The following BMERB1 variants were observed in gnomAD, a reference collection of about 807,000 sequenced individuals.
BMERB1 encodes the protein bMERB domain containing 1.
A neutral mutation model predicts 23.6 loss-of-function variants in BMERB1; 12 were observed. The observed-to-expected ratio is 0.51, with a 90% CI of 0.33 to 0.82. The LOEUF is 0.82. Ranked by LOEUF, BMERB1 falls within the 40% of genes least tolerant of loss-of-function variation. The pLI is 0.03. For missense variants in BMERB1, 247 were observed against 255.4 expected, an observed-to-expected ratio of 0.97 and a Z score of 0.22; for synonymous variants, 122 against 96.6, an observed-to-expected ratio of 1.26 and a Z score of -1.54.
At chr16:15,557,146 A>G (rs941000477) in intron 2 of BMERB1, among the ~76,000 whole-genome samples, 1 of 152,062 alleles carries the variant, frequency 6.6e-6, no homozygotes, top group East Asian at 1.9e-4. Context: ...TCCGCACCCA[A>G]CGCTGATAAA....
At chr16:15,494,022 T>C (rs147212307) in intron 1 of BMERB1, among the ~76,000 whole-genome samples, 291 of 152,278 alleles carry the variant, frequency 1.9e-3, no homozygotes, top group African/African-American at 4.9e-3. Flanking sequence ...GTTTGTAAAT[T>C]GGAAGAATTA....
chr16:15,555,917 T>C (rs918405276), intron 2 of BMERB1, among the ~76,000 whole-genome samples: 4 of 152,190 alleles, frequency 2.6e-5, no homozygotes, highest in Non-Finnish European at 4.4e-5. Context: ...CGGTGGCTCA[T>C]GCCTGTAATC....
At chr16:15,438,825 C>G (rs1327022850) in intron 1 of BMERB1, among the ~76,000 whole-genome samples, 2 of 152,184 alleles carry the variant, frequency 1.3e-5, no homozygotes, top group Non-Finnish European at 2.9e-5. Context: ...AACACTCTTT[C>G]AACTCTCAGG....
intron 1 of BMERB1, among the ~76,000 whole-genome samples, chr16:15,435,695 C>T (rs2050882060): frequency 6.6e-6 from 1 of 152,194 alleles, no homozygotes; most frequent in African/African-American, 2.4e-5. Context: ...GATCTCTGAG[C>T]GATGTAGGGC....
chr16:15,550,757 A>G (rs1213852212), intron 2 of BMERB1, among the ~76,000 whole-genome samples: 4 of 152,144 alleles, frequency 2.6e-5, no homozygotes, highest in Non-Finnish European at 5.9e-5. Context: ...TGTAGTGGCA[A>G]TTGTCAGGGC....
In BMERB1 at chr16:15,481,671, A is replaced by G. The variant is rs184639768; in HGVS notation, c.107-33634A>G. 3.0e-3 allele frequency among the ~76,000 whole-genome samples: 463 copies of G among 152,100 alleles called. 5 individuals are homozygous for G. The highest frequency in any genetic ancestry group is 0.011 in the African/African-American group (437 of 41,490). The stretch of plus-strand genomic sequence containing the variant: ...TACTTCTAGATTGTCTGCATTTTCT[A>G]TAACAAGAATTAATTAACATATTGC... On this transcript the variant is annotated intron_variant, in intron 1 of 5. Coordinates refer to ENST00000300006, the MANE Select transcript of BMERB1 (RefSeq NM_033201.3).
chr16:15,509,580 T>G (rs1490037225), intron 1 of BMERB1, among the ~76,000 whole-genome samples: 2 of 152,118 alleles, frequency 1.3e-5, no homozygotes, highest in Non-Finnish European at 2.9e-5. Flanking sequence ...ATGACTAGTG[T>G]CAAATGAGGA....
At chr16:15,517,434 C>T (rs2051775724) in intron 2 of BMERB1, among the ~76,000 whole-genome samples, 1 of 152,066 alleles carries the variant, frequency 6.6e-6, no homozygotes, top group African/African-American at 2.4e-5. Flanking sequence ...TCATTTGAAC[C>T]TGGGAGGCGG....
Position 15,434,684 on chromosome 16 carries a change from C to T in BMERB1, c.31C>T (p.Leu11=). The T allele has an allele frequency of 6.2e-7, 1 of 1,613,538 alleles. No individual in the cohort carries two copies. The highest frequency in any genetic ancestry group is 1.7e-5 in the Admixed American group (1 of 59,912). ...ATTAAAGCAATCTTTGTCCACCCAT[C>T]TGGAAGCCGAGAAGCCTCTGAGGCG... MELKQSLSTH[L]EAEKPLRRYG... The change falls in exon 1 of 6, where the codon CTG becomes TTG. Residue 11 remains leucine (L), a synonymous_variant. Transcript: ENST00000300006.
intron 1 of BMERB1, among the ~76,000 whole-genome samples, chr16:15,454,679 C>T (rs1330284334): frequency 2.6e-5 from 4 of 152,012 alleles, no homozygotes; most frequent in Admixed American, 1.3e-4. Context: ...TTAGTCACAG[C>T]TACTCAGGAG....
intron 2 of BMERB1, chr16:15,533,132 C>A: frequency 2.7e-6 from 1 of 376,006 alleles, no homozygotes. Flanking sequence ...GTGCCTGCTA[C>A]CACGTAAGTG....
intron 3 of BMERB1, among the ~76,000 whole-genome samples, chr16:15,571,405 T>C (rs2030723683): frequency 6.6e-6 from 1 of 151,530 alleles, no homozygotes; most frequent in Non-Finnish European, 1.5e-5. Flanking sequence ...TCCCCCAGGC[T>C]GGAGTGCAGT....
At chr16:15,441,092 G>A (rs2050935627) in intron 1 of BMERB1, among the ~76,000 whole-genome samples, 1 of 152,212 alleles carries the variant, frequency 6.6e-6, no homozygotes, top group Non-Finnish European at 1.5e-5. Context: ...TCAGAGGGAA[G>A]CCAGACTAGG....
intron 2 of BMERB1, among the ~76,000 whole-genome samples, chr16:15,559,703 C>T (rs1025141721): frequency 6.6e-6 from 1 of 152,146 alleles, no homozygotes; most frequent in African/African-American, 2.4e-5. Flanking sequence ...TGAATGGACA[C>T]CTAACCCTGA....
At chr16:15,434,782 G>C in intron 1 of BMERB1, 23 bp downstream of exon 1, 1 of 459,376 alleles carries the variant, frequency 2.2e-6, no homozygotes, top group South Asian at 1.8e-5. Context: ...GCGGGGGGCG[G>C]GGGGCCGGGG....
intron 1 of BMERB1, among the ~76,000 whole-genome samples, chr16:15,456,834 CT>C (rs940747807): frequency 7.3e-5 from 11 of 151,148 alleles, no homozygotes; most frequent in Admixed American, 6.6e-4. Flanking sequence ...TATAAATTCA[CT>C]TTTTTTTTGA....
intron 1 of BMERB1, among the ~76,000 whole-genome samples, chr16:15,477,931 G>A (rs2051287456): frequency 6.6e-6 from 1 of 152,120 alleles, no homozygotes; most frequent in South Asian, 2.1e-4. Context: ...GTTATCAGTT[G>A]TAAGAGAGAG....
intron 1 of BMERB1, among the ~76,000 whole-genome samples, chr16:15,483,690 A>G (rs1045242839): frequency 3.3e-5 from 5 of 152,074 alleles, no homozygotes; most frequent in East Asian, 1.9e-4. Flanking sequence ...AGAAAAATCT[A>G]TGTTTGAGTC....
rs559403106 is a variant in BMERB1, at chr16:15,564,718, G to A, written c.231-3265G>A. Among the ~76,000 whole-genome samples the A allele has an allele frequency of 3.3e-5, 5 of 152,282 alleles. No homozygotes were observed. The South Asian group carries it at 1.0e-3, about 32-fold the overall frequency. On this transcript the variant is annotated intron_variant, in intron 2 of 5. Transcript: ENST00000300006. ...TCCTTAACAAAATGTTGAAATCCCT[G>A]TTGCTACATTGACTAAAAGATCATG...
Sources: allele counts gnomAD v4.1 joint callset (sites outside exome capture counted in the v4.1 genomes callset), GRCh38; gene constraint gnomAD v4.1.1; transcripts MANE v1.5; gene names NCBI Gene and HGNC (gene_info 2026-07-23, HGNC 2026-07-21).